ELP4: variants seen among roughly 807,000 people sequenced by gnomAD.
The protein encoded by ELP4 is elongator acetyltransferase complex subunit 4.
Under a neutral mutation model 48.9 loss-of-function variants are expected in ELP4, and 51 were observed. That is an observed-to-expected ratio of 1.04 (90% confidence interval 0.83 to 1.32). ELP4 has a LOEUF of 1.32. Ranked by LOEUF, ELP4 falls within the 40% of genes most tolerant of loss-of-function variation. ELP4 has a pLI of 0.00. For missense variants in ELP4, 519 were observed against 514.6 expected, an observed-to-expected ratio of 1.01 and a Z score of -0.08; for synonymous variants, 210 against 189.2, an observed-to-expected ratio of 1.11 and a Z score of -0.90.
chr11:31,705,830 A>C (rs1025117351), intron 9 of ELP4, among the ~76,000 whole-genome samples: 1 of 150,220 alleles, frequency 6.7e-6, no homozygotes, highest in Admixed American at 6.7e-5. Flanking sequence ...CTATACATAC[A>C]ATACATAATT....
At chr11:31,510,241 C>T (rs1211489664) in intron 1 of ELP4, 5 of 571,530 alleles carry the variant, frequency 8.7e-6, no homozygotes, top group Non-Finnish European at 1.6e-5. Context: ...TGCCCTCCAA[C>T]CCCTTTTCAT....
At chr11:31,597,339 T>G (rs1957687283) in intron 4 of ELP4, among the ~76,000 whole-genome samples, 2 of 152,274 alleles carry the variant, frequency 1.3e-5, no homozygotes, top group South Asian at 4.1e-4. Context: ...TAATCAGAAG[T>G]TGTTACAGAT....
chr11:31,650,394 A>T, intron 9 of ELP4, 173 bp downstream of exon 9: 1 of 415,788 alleles, frequency 2.4e-6, no homozygotes, highest in Non-Finnish European at 4.3e-6. Flanking sequence ...TTTTTAGACT[A>T]TTGTTTTATT....
chr11:31,517,670 G>A (rs1956140547), intron 1 of ELP4, among the ~76,000 whole-genome samples: 1 of 151,816 alleles, frequency 6.6e-6, no homozygotes, highest in African/African-American at 2.4e-5. Flanking sequence ...AGGCTGGAGT[G>A]CAGTGGCGCG....
chr11:31,724,380 A>G (rs1039532290), intron 9 of ELP4, among the ~76,000 whole-genome samples: 1 of 152,252 alleles, frequency 6.6e-6, no homozygotes, highest in Non-Finnish European at 1.5e-5. Context: ...CATAGTTGTA[A>G]TTATGAAATC....
intron 9 of ELP4, among the ~76,000 whole-genome samples, chr11:31,772,120 CTT>C (rs11406554): frequency 1.3e-4 from 17 of 132,092 alleles, no homozygotes; most frequent in Admixed American, 1.5e-4. Flanking sequence ...TTATTTTCTT[CTT>C]TTTTTTTTTT....
At chr11:31,536,108 C>G (rs1310991174) in intron 2 of ELP4, among the ~76,000 whole-genome samples, 1 of 152,032 alleles carries the variant, frequency 6.6e-6, no homozygotes, top group Non-Finnish European at 1.5e-5. Context: ...CTTTTTATTG[C>G]TGAGTAGTAA....
intron 9 of ELP4, among the ~76,000 whole-genome samples, chr11:31,691,568 C>T (rs1946281918): frequency 6.6e-6 from 1 of 152,042 alleles, no homozygotes; most frequent in African/African-American, 2.4e-5. Flanking sequence ...TATAAAGCCT[C>T]AGTTTTATCT....
intron 9 of ELP4, among the ~76,000 whole-genome samples, chr11:31,676,857 G>T (rs1477029214): frequency 6.6e-6 from 1 of 152,052 alleles, no homozygotes; most frequent in East Asian, 1.9e-4. Flanking sequence ...TAGCTTTTGG[G>T]TTATGGCCAA....
At chr11:31,521,384 G>C (rs992868238) in intron 2 of ELP4, among the ~76,000 whole-genome samples, 9 of 151,842 alleles carry the variant, frequency 5.9e-5, no homozygotes, top group Non-Finnish European at 8.8e-5. Flanking sequence ...TCACAAGGAT[G>C]GGGTAGTTTT....
intron 9 of ELP4, among the ~76,000 whole-genome samples, chr11:31,727,320 AAG>A (rs1424055142): frequency 6.6e-6 from 1 of 152,170 alleles, no homozygotes; most frequent in Non-Finnish European, 1.5e-5. Context: ...TTATACATAA[AAG>A]AATTTGAGAT....
At chr11:31,757,019 T>C (rs1188571196) in intron 9 of ELP4, among the ~76,000 whole-genome samples, 1 of 152,236 alleles carries the variant, frequency 6.6e-6, no homozygotes, top group Non-Finnish European at 1.5e-5. Flanking sequence ...ATCTTTAAAC[T>C]TGACAATGCC....
chr11:31,735,307 A>G (rs985805754), intron 9 of ELP4, among the ~76,000 whole-genome samples: 3 of 152,192 alleles, frequency 2.0e-5, no homozygotes, highest in Admixed American at 6.5e-5. Flanking sequence ...GAAAAGCTGT[A>G]TGACATTGAT....
chr11:31,723,695 G>A (rs576165704), intron 9 of ELP4, among the ~76,000 whole-genome samples: 1 of 152,288 alleles, frequency 6.6e-6, no homozygotes, highest in African/African-American at 2.4e-5. Context: ...CAAGATCACT[G>A]TGTGGTAAAG....
intron 5 of ELP4, among the ~76,000 whole-genome samples, chr11:31,625,687 A>G (rs1293188375): frequency 6.6e-6 from 1 of 151,842 alleles, no homozygotes; most frequent in East Asian, 1.9e-4. Flanking sequence ...AGTGACATTC[A>G]TCAGATCGTT....
In ELP4 at chr11:31,517,383, C is replaced by T. The variant is rs186418849; in HGVS notation, c.224-2673C>T. Among the ~76,000 whole-genome samples, 49 of 152,058 alleles carry T rather than the reference C, an allele frequency of 3.2e-4. No individual in the cohort carries two copies. In the East Asian group the frequency reaches 8.7e-3, roughly 27 times the overall value. On this transcript the variant is annotated intron_variant, in intron 1 of 9. Transcript: ENST00000640961. Reference sequence around the variant, plus strand: ...TTCACCTTGTTGGCCAGGATGGTCTCGAACACCTGAGCTTATGTGATCTGC... The same window carrying T: ...TTCACCTTGTTGGCCAGGATGGTCTTGAACACCTGAGCTTATGTGATCTGC...
intron 9 of ELP4, chr11:31,689,476 A>AAGAT (rs1946230433): frequency 6.6e-6 from 1 of 151,628 alleles, no homozygotes; most frequent in Non-Finnish European, 1.5e-5. Context: ...GAAAGAAAGA[A>AAGAT]GAATGAAAAA....
At chr11:31,717,657 G>A (rs906206154) in intron 9 of ELP4, among the ~76,000 whole-genome samples, 1 of 151,962 alleles carries the variant, frequency 6.6e-6, no homozygotes, top group African/African-American at 2.4e-5. Flanking sequence ...GGGAGGCTGA[G>A]GCAAAAGAAT....
chr11:31,517,188 C>CA (rs1565031353), intron 1 of ELP4, among the ~76,000 whole-genome samples: 1 of 145,874 alleles, frequency 6.9e-6, no homozygotes, highest in Non-Finnish European at 1.5e-5. Context: ...ATCAAAGGAA[C>CA]TTTTTTTTTT....
Sources: allele counts gnomAD v4.1 joint callset (sites outside exome capture counted in the v4.1 genomes callset), GRCh38; gene constraint gnomAD v4.1.1; transcripts MANE v1.5; gene names NCBI Gene and HGNC (gene_info 2026-07-23, HGNC 2026-07-21).